ULK4: variants seen among roughly 807,000 people sequenced by gnomAD.
ULK4 encodes the protein inactive serine/threonine-protein kinase ULK4.
Under a neutral mutation model 160.6 loss-of-function variants are expected in ULK4, and 133 were observed. The observed-to-expected ratio is 0.83, with a 90% CI of 0.72 to 0.96. The LOEUF is 0.96. ULK4 is among the 40% of genes least tolerant of loss of function. The probability of loss-of-function intolerance (pLI) is 0.00; values close to 1 mark genes in which losing one functional copy is unlikely to be tolerated. For missense variants in ULK4, 1,580 were observed against 1,499.5 expected (o/e 1.05, Z -0.89); for synonymous variants, 534 against 539.8 (o/e 0.99, Z 0.15).
At chr3:41,511,612 A>C (rs889571614) in intron 32 of ULK4, among the ~76,000 whole-genome samples, 7 of 152,172 alleles carry the variant, frequency 4.6e-5, no homozygotes, top group Non-Finnish European at 8.8e-5. Flanking sequence ...CTCTGAACAG[A>C]GAAAAGCAAA....
At chr3:41,953,307 T>A (rs1038606372) in intron 2 of ULK4, among the ~76,000 whole-genome samples, 4,387 of 106,702 alleles carry the variant, frequency 0.041, 164 homozygotes, top group African/African-American at 0.14. Flanking sequence ...TATATATATT[T>A]TTTTTTTTTT....
intron 17 of ULK4, among the ~76,000 whole-genome samples, chr3:41,857,568 G>A (rs2042391042): frequency 6.6e-6 from 1 of 152,128 alleles, no homozygotes; most frequent in Non-Finnish European, 1.5e-5. Context: ...ATGTTAGGTA[G>A]AATTCAGCAG....
chr3:41,317,629 G>A (rs2080171259), intron 35 of ULK4, among the ~76,000 whole-genome samples: 1 of 152,140 alleles, frequency 6.6e-6, no homozygotes, highest in Admixed American at 6.5e-5. Flanking sequence ...TTACCAAAAT[G>A]CAACAATCAT....
At chr3:41,941,777 A>AAAAAAAAAAAAC (rs1699967811) in intron 2 of ULK4, among the ~76,000 whole-genome samples, 1 of 148,900 alleles carries the variant, frequency 6.7e-6, no homozygotes, top group Non-Finnish European at 1.5e-5. Flanking sequence ...AAAAAAAAAA[A>AAAAAAAAAAAAC]AAGAGAAAGA....
intron 31 of ULK4, among the ~76,000 whole-genome samples, chr3:41,593,940 G>C (rs577217249): frequency 2.8e-4 from 42 of 152,194 alleles, no homozygotes; most frequent in Non-Finnish European, 4.7e-4. Flanking sequence ...TGGGGGAAGG[G>C]GGGCTGAGGT....
intron 17 of ULK4, among the ~76,000 whole-genome samples, chr3:41,883,408 C>A (rs1329736928): frequency 6.6e-6 from 1 of 152,158 alleles, no homozygotes; most frequent in Admixed American, 6.6e-5. Flanking sequence ...TGAGCCTCTC[C>A]CAGTTCAAGG....
intron 35 of ULK4, among the ~76,000 whole-genome samples, chr3:41,338,932 T>A (rs552412611): frequency 3.3e-5 from 5 of 151,924 alleles, no homozygotes; most frequent in African/African-American, 9.7e-5. Flanking sequence ...CACCTTTTTG[T>A]TCTATTCAGG....
intron 31 of ULK4, among the ~76,000 whole-genome samples, chr3:41,589,993 A>G (rs2031155716): frequency 6.6e-6 from 1 of 151,952 alleles, no homozygotes; most frequent in Admixed American, 6.6e-5. Flanking sequence ...TAAAGAACCA[A>G]ATGCAAGGTT....
chr3:41,426,854 A>G (rs9835266), intron 34 of ULK4, among the ~76,000 whole-genome samples: 1 of 151,876 alleles, frequency 6.6e-6, no homozygotes, highest in Admixed American at 6.6e-5. Flanking sequence ...ACAACTAAAA[A>G]AACTAGAGAA....
At chr3:41,928,467 A>C (rs1202282032) in intron 5 of ULK4, among the ~76,000 whole-genome samples, 1 of 151,934 alleles carries the variant, frequency 6.6e-6, no homozygotes, top group Non-Finnish European at 1.5e-5. Context: ...AAATTCAAAA[A>C]CTAGCAGAAG....
At chr3:41,627,607 CTCAG>C (rs1359745085) in intron 30 of ULK4, among the ~76,000 whole-genome samples, 17 of 152,210 alleles carry the variant, frequency 1.1e-4, no homozygotes, top group Non-Finnish European at 1.5e-5. Context: ...TGGCAACTAC[CTCAG>C]TATTTAATTT....
chr3:41,314,044 G>A (rs141737945), intron 35 of ULK4, among the ~76,000 whole-genome samples: 2 of 152,268 alleles, frequency 1.3e-5, no homozygotes, highest in African/African-American at 4.8e-5. Context: ...CTAAGAGTGA[G>A]CCTTCAGATG....
intron 16 of ULK4, among the ~76,000 whole-genome samples, chr3:41,894,324 T>C (rs1040699145): frequency 9.2e-5 from 14 of 152,340 alleles, no homozygotes; most frequent in East Asian, 5.8e-4. Flanking sequence ...TCCTACTTTT[T>C]ATTACCAGAT....
chr3:41,897,789 AAT>A (rs1162209424), intron 14 of ULK4, among the ~76,000 whole-genome samples: 2 of 152,148 alleles, frequency 1.3e-5, no homozygotes, highest in Non-Finnish European at 2.9e-5. Flanking sequence ...TTTAAACCTA[AAT>A]ATATTTTAAA....
rs550804203 is a variant in ULK4, at chr3:41,269,765, T to C, written c.3679-20191A>G. On this transcript the variant is annotated intron_variant, in intron 35 of 36. Transcript: ENST00000301831. ...ACTTAAAGTTATCCAAATGTAAACA[T>C]TTGGTTCTACCATTTCTTATAAAGT... 3.9e-5 allele frequency among the ~76,000 whole-genome samples: 6 copies of C among 152,266 alleles called. No homozygotes were observed. The East Asian group carries it at 1.2e-3, about 29-fold the overall frequency.
At chr3:41,783,955 G>T (rs1397172430) in intron 21 of ULK4, among the ~76,000 whole-genome samples, 1 of 152,084 alleles carries the variant, frequency 6.6e-6, no homozygotes, top group African/African-American at 2.4e-5. Context: ...AAAAGAGTTT[G>T]GAGTACAAGG....
At position 41,931,975 on chromosome 3, in the gene ULK4, AACTTC is replaced by A. The variant is rs1559658681; in HGVS notation, c.405_409del (p.Lys136Ter). ...CACTTTTGCCAAGCAAAAGTTGCTA[AACTTC>A]AGTGTGCCAGGCCCTTCCAAGAGTA... On this transcript the variant is annotated frameshift_variant, in exon 5 of 37. Coordinates refer to ENST00000301831, the MANE Select transcript of ULK4 (RefSeq NM_017886.4). LOFTEE classifies it high-confidence loss of function. 6.2e-7 allele frequency: 1 copy of A among 1,613,976 alleles called. No individual in the cohort carries two copies.
intron 17 of ULK4, among the ~76,000 whole-genome samples, chr3:41,860,893 T>G (rs1217651117): frequency 6.6e-6 from 1 of 152,002 alleles, no homozygotes; most frequent in African/African-American, 2.4e-5. Flanking sequence ...TATGTGTTTT[T>G]TTGTTGTTGT....
chr3:41,919,589 G>A (rs1229686221), intron 6 of ULK4, 128 bp downstream of exon 6: 8 of 758,004 alleles, frequency 1.1e-5, no homozygotes, highest in East Asian at 7.7e-5. Flanking sequence ...GTGACAGTAC[G>A]AGACTCTGTC....
Sources: gnomAD v4.1 joint callset for allele counts (sites outside exome capture counted in the v4.1 genomes callset) on GRCh38, gnomAD v4.1.1 for gene constraint, MANE v1.5 for transcripts, NCBI Gene and HGNC (gene_info 2026-07-23, HGNC 2026-07-21) for gene names.